The following NXN variants were observed in gnomAD, a reference collection of about 807,000 sequenced individuals.
The protein encoded by NXN is nucleoredoxin.
A neutral mutation model predicts 48.6 loss-of-function variants in NXN; 16 were observed. The observed-to-expected ratio is 0.33, with a 90% CI of 0.22 to 0.50. The LOEUF is 0.50. Among genes scored for constraint, NXN ranks in the 20% least tolerant of loss-of-function variants. The probability of loss-of-function intolerance (pLI) is 0.98; values close to 1 mark genes in which losing one functional copy is unlikely to be tolerated. For missense variants in NXN, 492 were observed against 605.5 expected (o/e 0.81, Z 1.97); for synonymous variants, 281 against 269.6 (o/e 1.04, Z -0.41).
rs2069483761 is a variant in NXN, at chr17:978,163, A to T, written c.360+1156T>A. 6.6e-6 allele frequency: 1 copy of T among 152,198 alleles called. No individual in the cohort carries two copies. The highest frequency in any genetic ancestry group is 2.1e-4 in the South Asian group (1 of 4,830). The allele number at this position is 152,198 out of a possible 1,614,324, so 9.4% of individuals were successfully genotyped here. On this transcript the variant is annotated intron_variant, in intron 1 of 7. Transcript: ENST00000336868. This position sits in a 1 kb window ranked among gnomAD's most constrained non-coding sequence, Gnocchi z 4.1. Reference sequence around the variant, plus strand: ...ACGCCTCGCCATGCTCCCCAGAGGAAACTAAACGCCCCCAGAATAGCCCTT... The same window carrying T: ...ACGCCTCGCCATGCTCCCCAGAGGATACTAAACGCCCCCAGAATAGCCCTT...
chr17:897,074 C>G (rs1461021565), intron 1 of NXN: 1 of 1,062,412 alleles, frequency 9.4e-7, no homozygotes, highest in Non-Finnish European at 1.1e-6. Context: ...CTTTGACAGC[C>G]AGGGACTGGT....
At chr17:841,561 CCCCTGACCACGGAGCATCTCACGCCG>C (rs2144712277) in intron 1 of NXN, among the ~76,000 whole-genome samples, 2 of 37,156 alleles carry the variant, frequency 5.4e-5, no homozygotes, top group East Asian at 2.6e-3. Flanking sequence ...GAGCAGGTCC[CCCCTGACCACGGAGCATCTCACGCCG>C]GCGAGCAGGT....
chr17:932,833 A>C lies in NXN; in HGVS notation c.360+46486T>G, dbSNP rs2068868694. ...AGGCTAATTTTTATATTTTTAGTAG[A>C]GATGAGGTTTCTCCATGTTGGCCAG... On this transcript the variant is annotated intron_variant, in intron 1 of 7. Transcript: ENST00000336868. This position sits in a 1 kb window ranked among gnomAD's most constrained non-coding sequence, Gnocchi z 4.1. Among the ~76,000 whole-genome samples the C allele has an allele frequency of 1.3e-5, 2 of 152,134 alleles. No individual in the cohort carries two copies. Among genetic ancestry groups the C allele is most frequent in the Non-Finnish European group, 2.9e-5 (2 of 68,034 alleles).
At chr17:868,646 C>T (rs1232803004) in intron 1 of NXN, among the ~76,000 whole-genome samples, 2 of 152,154 alleles carry the variant, frequency 1.3e-5, no homozygotes, top group Admixed American at 1.3e-4. Context: ...CGCCCACCAC[C>T]ACGCCCGGAT....
chr17:974,656 G>T (rs2069436492), intron 1 of NXN, among the ~76,000 whole-genome samples: 1 of 151,658 alleles, frequency 6.6e-6, no homozygotes, highest in Admixed American at 6.6e-5. Context: ...GGCAGAGCGG[G>T]GGCGTGAACT....
At chr17:873,200 A>G (rs2068177668) in intron 1 of NXN, among the ~76,000 whole-genome samples, 1 of 152,046 alleles carries the variant, frequency 6.6e-6, no homozygotes, top group African/African-American at 2.4e-5. Context: ...CCAATCCTTT[A>G]TAAGAAATCT....
At chr17:896,885 C>G (rs77274853) in intron 1 of NXN, 15 of 1,234,700 alleles carry the variant, frequency 1.2e-5, no homozygotes, top group African/African-American at 3.2e-5. Context: ...AACAAACTCA[C>G]GCTATTTCTC....
chr17:809,305 C>A (rs78706080), intron 5 of NXN, among the ~76,000 whole-genome samples: 1 of 152,334 alleles, frequency 6.6e-6, no homozygotes, highest in Non-Finnish European at 1.5e-5. Context: ...CCTACAGACC[C>A]CTTTCACCGT....
At chr17:803,486 A>G (rs1911314285) in intron 7 of NXN, among the ~76,000 whole-genome samples, 196 bp downstream of exon 7, 1 of 152,204 alleles carries the variant, frequency 6.6e-6, no homozygotes. Context: ...GGACGGGAAG[A>G]GGAAGCAGCA....
At chr17:837,786 G>A (rs1489549020) in intron 1 of NXN, among the ~76,000 whole-genome samples, 1 of 152,212 alleles carries the variant, frequency 6.6e-6, no homozygotes, top group Non-Finnish European at 1.5e-5. Flanking sequence ...AGGGAAAGGG[G>A]CCGGGGGTCC....
At chr17:808,847 T>A (rs2144585518) in intron 5 of NXN, among the ~76,000 whole-genome samples, 1 of 147,864 alleles carries the variant, frequency 6.8e-6, no homozygotes, top group Middle Eastern at 3.6e-3. Flanking sequence ...GCTCATTTTT[T>A]TAATTTTTTA....
chr17:916,426 T>C (rs1390514619), intron 1 of NXN, among the ~76,000 whole-genome samples: 1 of 152,136 alleles, frequency 6.6e-6, no homozygotes, highest in Non-Finnish European at 1.5e-5. Context: ...AATTAACGTA[T>C]GACATTTCAA....
At position 863,206 on chromosome 17, in the gene NXN, T is replaced by G. The variant is rs139505209; in HGVS notation, c.361-37128A>C. 3.7e-3 allele frequency among the ~76,000 whole-genome samples: 557 copies of G among 152,302 alleles called. 4 individuals carry two copies. Among genetic ancestry groups the G allele is most frequent in the African/African-American group, 0.013 (531 of 41,570 alleles). ...GTTTTTTTGAGACAGAGTCTCACTCTGTCACCTGGGCTGGAGTGCAGTGGC... is the reference window on the plus strand; with the variant it reads ...GTTTTTTTGAGACAGAGTCTCACTCGGTCACCTGGGCTGGAGTGCAGTGGC... On this transcript the variant is annotated intron_variant, in intron 1 of 7. Transcript: ENST00000336868.
Position 805,120 on chromosome 17 carries a change from G to A in NXN, c.948C>T (p.Ser316=), listed in dbSNP as rs1340044949. ...CGTTAAGCTGCGCGGCGTTGGAGTC[G>A]GAGAGCTCCAGCACGGGCTTGGGGT... ...PWHPKPVLEL[S]DSNAAQLNEG... The change falls in exon 6 of 8, where the codon TCC becomes TCT. Residue 316 remains serine (S), a synonymous_variant. Coordinates refer to ENST00000336868, the MANE Select transcript of NXN (RefSeq NM_022463.5). 36 of 1,610,200 alleles carry A rather than the reference G, an allele frequency of 2.2e-5. No homozygotes were observed. Among genetic ancestry groups the A allele is most frequent in the Admixed American group, 5.0e-5 (3 of 59,632 alleles).
rs1337596267 is a variant in NXN, at chr17:958,678, G to A, written c.360+20641C>T. ...CCCAGCTACTCAGGAGGCTGAGGCA[G>A]GAGAATCACCGAGGCGGAGGTAGAA... On this transcript the variant is annotated intron_variant, in intron 1 of 7. Coordinates refer to ENST00000336868, the MANE Select transcript of NXN (RefSeq NM_022463.5). This position sits in a 1 kb window ranked among gnomAD's most constrained non-coding sequence, Gnocchi z 6.9. 1.3e-5 allele frequency among the ~76,000 whole-genome samples: 2 copies of A among 152,138 alleles called. No individual in the cohort carries two copies. Among genetic ancestry groups the A allele is most frequent in the African/African-American group, 4.8e-5 (2 of 41,420 alleles).
chr17:846,801 G>C (rs1489059522), intron 1 of NXN, among the ~76,000 whole-genome samples: 1 of 152,076 alleles, frequency 6.6e-6, no homozygotes, highest in African/African-American at 2.4e-5. Flanking sequence ...ATAACGCTTG[G>C]TACTGTGGCA....
chr17:818,132 G>A (rs887194342), intron 5 of NXN, among the ~76,000 whole-genome samples: 3 of 151,948 alleles, frequency 2.0e-5, no homozygotes, highest in African/African-American at 7.3e-5. Context: ...GTGGTGGTGT[G>A]CACCTGTAGT....
intron 2 of NXN, 82 bp from the exon 3 acceptor site, chr17:823,847 A>G (rs1912949781): frequency 6.8e-7 from 1 of 1,464,196 alleles, no homozygotes; most frequent in Admixed American, 2.0e-5. Context: ...AGCGGTTAAG[A>G]CTCTTCTTGA....
At chr17:840,390 G>A (rs1431115375) in intron 1 of NXN, among the ~76,000 whole-genome samples, 10 of 152,176 alleles carry the variant, frequency 6.6e-5, no homozygotes, top group Non-Finnish European at 1.5e-4. Flanking sequence ...CCCAGGCTGG[G>A]GTGAAGTGGC....
Sources: gnomAD v4.1 joint callset for allele counts (sites outside exome capture counted in the v4.1 genomes callset) on GRCh38, gnomAD v4.1.1 for gene constraint, Gnocchi (gnomAD v3.1) non-coding constraint, MANE v1.5 for transcripts, NCBI Gene and HGNC (gene_info 2026-07-23, HGNC 2026-07-21) for gene names.